CARD14: variants seen among roughly 807,000 people sequenced by gnomAD.
CARD14 encodes the protein caspase recruitment domain-containing protein 14.
Under a neutral mutation model 111.5 loss-of-function variants are expected in CARD14, and 107 were observed. That is an observed-to-expected ratio of 0.96 (90% CI 0.82 to 1.13). The LOEUF is 1.13. CARD14 is among the 50% of genes most tolerant of loss of function. CARD14 has a pLI of 0.00. For synonymous variants in CARD14, 617 were observed against 579.6 expected (o/e 1.06, Z -0.93); for missense variants, 1,322 against 1,362.3 (o/e 0.97, Z 0.47).
chr17:80,188,862 G>A lies in CARD14; in HGVS notation c.843+318G>A, dbSNP rs143418165. The A allele has an allele frequency of 0.015, 2,634 of 179,378 alleles. 27 individuals are homozygous for A. Among genetic ancestry groups the A allele is most frequent in the South Asian group, 0.045 (249 of 5,488 alleles). 11.1% of individuals were successfully genotyped at this position (179,378 alleles called of 1,614,324 possible). A position where few individuals can be genotyped will look rare whatever the true frequency, so the allele number is the denominator to read the frequency against. On this transcript the variant is annotated intron_variant, in intron 8 of 23. Transcript: ENST00000648509. The surrounding 1 kb of genome is among the most constrained non-coding windows in gnomAD (Gnocchi z 4.5). ...GCTCAGGAGTTCAAGACCAGCCTGG[G>A]CAACATGGCGAGACCCCATCTCTAC... is the stretch of plus-strand genomic sequence containing the variant.
At chr17:80,174,083 A>G (rs1426582123) in intron 2 of CARD14, among the ~76,000 whole-genome samples, 1 of 152,184 alleles carries the variant, frequency 6.6e-6, no homozygotes, top group African/African-American at 2.4e-5. Context: ...CAGACCTGTA[A>G]TCATTGCACT....
chr17:80,178,909 C>T (rs2040087675), intron 3 of CARD14, among the ~76,000 whole-genome samples, 195 bp from the exon 4 acceptor site: 1 of 152,114 alleles, frequency 6.6e-6, no homozygotes, highest in Non-Finnish European at 1.5e-5. Context: ...CCATGACTGG[C>T]TAATTTTTGT....
rs377316099 is a variant in CARD14 at position 80,182,679 on chromosome 17, C to T, written c.238C>T (p.Arg80Ter). 2.9e-5 allele frequency: 46 copies of T among 1,613,986 alleles called. No homozygotes were observed. The highest frequency in any genetic ancestry group is 3.5e-5 in the Non-Finnish European group (41 of 1,180,018). ...GCACTTGCTGGATTTGCTGAAGACT[C>T]GAGGGAAGAACGGGGCCATCGCCTT... ...AGHLLDLLKT[R>*]GKNGAIAFLE... is the part of the protein sequence containing the mutation. The change falls in exon 6 of 24, where the codon CGA becomes TGA. Residue 80 changes from arginine to a stop codon, truncating the protein, a stop_gained. Transcript: ENST00000648509. LOFTEE classifies it high-confidence loss of function. This position sits in a 1 kb window ranked among gnomAD's most constrained non-coding sequence, Gnocchi z 4.7.
intron 2 of CARD14, among the ~76,000 whole-genome samples, chr17:80,174,664 C>T (rs1286772855): frequency 6.6e-6 from 1 of 152,086 alleles, no homozygotes; most frequent in African/African-American, 2.4e-5. Flanking sequence ...GTAGTTTAGT[C>T]CTGGATGTGT....
chr17:80,200,711 A>C (rs1164350448), intron 16 of CARD14: 5 of 153,448 alleles, frequency 3.3e-5, no homozygotes, highest in African/African-American at 1.2e-4. Flanking sequence ...TTACACTGTA[A>C]TATGTAATGA....
In CARD14 at chr17:80,206,997, C is replaced by A; in HGVS notation, c.2719C>A (p.Leu907Met). Residue 907 changes from leucine (L) to methionine (M), a missense_variant, in exon 23 of 24, where the codon CTG becomes ATG. Leu to Met is a conservative substitution (Grantham distance 15). Coordinates refer to ENST00000648509, the MANE Select transcript of CARD14 (RefSeq NM_001366385.1). ...KNTHALLDVQLDSVCTLHRMD... is the reference protein window; with the variant it reads ...KNTHALLDVQMDSVCTLHRMD... ...CACCCATGCCCTCCTGGACGTCCAG[C>A]TGGACAGTGTCTGCACCCTGCACAG... The A allele has an allele frequency of 6.2e-7, 1 of 1,613,068 alleles. No individual in the cohort carries two copies. Among genetic ancestry groups the A allele is most frequent in the Non-Finnish European group, 8.5e-7 (1 of 1,179,506 alleles).
chr17:80,198,727 G>T lies in CARD14; in HGVS notation c.1851+136G>T. On this transcript the variant is annotated intron_variant, in intron 16 of 23. Coordinates refer to ENST00000648509, the MANE Select transcript of CARD14 (RefSeq NM_001366385.1). This position sits in a 1 kb window ranked among gnomAD's most constrained non-coding sequence, Gnocchi z 7.5. ...GGGCTGGGCCTCTGCTCTTTCCTGGGCTGACGTAAAGCGTTCTGCTCATTT... is the reference window on the plus strand; with the variant it reads ...GGGCTGGGCCTCTGCTCTTTCCTGGTCTGACGTAAAGCGTTCTGCTCATTT... The T allele has an allele frequency of 6.4e-7, 1 of 1,566,864 alleles. No homozygotes were observed.
In CARD14 at chr17:80,204,229, A is replaced by G; in HGVS notation, c.2286A>G (p.Pro762=). The G allele has an allele frequency of 6.3e-7, 1 of 1,586,078 alleles. No homozygotes were observed. The highest frequency in any genetic ancestry group is 8.6e-7 in the Non-Finnish European group (1 of 1,159,336). ...MTQQCTVTRK[P]SSGGPQKLVR... Reference sequence around the variant, plus strand: ...TCCTTTCTCTGTCCCTCCTTTAGCCATCTTCTGGGGGACCACAGAAGCTGG... The same window carrying G: ...TCCTTTCTCTGTCCCTCCTTTAGCCGTCTTCTGGGGGACCACAGAAGCTGG... The change falls in exon 20 of 24, where the codon CCA becomes CCG. Residue 762 remains proline (P), a splice_region_variant and synonymous_variant. Transcript: ENST00000648509.
intron 2 of CARD14, among the ~76,000 whole-genome samples, chr17:80,174,306 G>A (rs1164460457): frequency 1.3e-5 from 2 of 152,042 alleles, no homozygotes; most frequent in African/African-American, 4.8e-5. Flanking sequence ...TCTGCCTCCC[G>A]GGTTTAAGCG....
At chr17:80,204,718 C>A in intron 20 of CARD14, 1 of 407,740 alleles carries the variant, frequency 2.5e-6, no homozygotes, top group Non-Finnish European at 4.4e-6. Context: ...GGGTGCCACT[C>A]TCCCAGATCC....
At position 80,189,659 on chromosome 17, in the gene CARD14, A is replaced by G; in HGVS notation, c.844-94A>G. On this transcript the variant is annotated intron_variant, in intron 8 of 23. Coordinates refer to ENST00000648509, the MANE Select transcript of CARD14 (RefSeq NM_001366385.1). The surrounding 1 kb of genome is among the most constrained non-coding windows in gnomAD (Gnocchi z 4.7). ...AAGACTGCATCCGTCCACACACCTG[A>G]CCGTGCAGTTGCCGCCATCTTCTCG... 7.2e-7 allele frequency: 1 copy of G among 1,379,528 alleles called. No homozygotes were observed. 85.5% of individuals were successfully genotyped at this position (1,379,528 alleles called of 1,614,324 possible). A position where few individuals can be genotyped will look rare whatever the true frequency, so the allele number is the denominator to read the frequency against.
chr17:80,195,642 AGACACG>A lies in CARD14; in HGVS notation c.1586_1591del (p.Asp529_Thr530del). 1.9e-6 allele frequency: 3 copies of A among 1,612,950 alleles called. No homozygotes were observed. Among genetic ancestry groups the A allele is most frequent in the Non-Finnish European group, 2.5e-6 (3 of 1,179,618 alleles). ...ACCCACACCTGGATTATGAGCTCCT[AGACACG>A]GCAGGTGAGCACGCCCAACCCTGAA... is the stretch of plus-strand genomic sequence containing the variant. On this transcript the variant is annotated inframe_deletion, in exon 14 of 24. Coordinates refer to ENST00000648509, the MANE Select transcript of CARD14 (RefSeq NM_001366385.1). The surrounding 1 kb of genome is among the most constrained non-coding windows in gnomAD (Gnocchi z 4.7).
At position 80,208,114 on chromosome 17, in the gene CARD14, C is replaced by G. The variant is rs533183128; in HGVS notation, c.2808-24C>G. The G allele has an allele frequency of 3.1e-5, 46 of 1,490,714 alleles. No homozygotes were observed. The South Asian group carries it at 4.9e-4, about 16-fold the overall frequency. 92.3% of individuals were successfully genotyped at this position (1,490,714 alleles called of 1,614,324 possible). ...GGCCCTTGCTCTCCCCTGAGCCCGC[C>G]CCCCCCAACTCTGGCCTGTGCAGGA... On this transcript the variant is annotated intron_variant, in intron 23 of 23. Transcript: ENST00000648509.
chr17:80,190,993 A>G (rs1598655676), intron 10 of CARD14, 94 bp downstream of exon 10: 1 of 1,504,592 alleles, frequency 6.6e-7, no homozygotes, highest in Non-Finnish European at 8.9e-7. Flanking sequence ...CCTGCCCTTG[A>G]TGGCAGCTGG....
In CARD14 at chr17:80,198,208, G is replaced by A. The variant is rs2040788661; in HGVS notation, c.1658+46G>A. On this transcript the variant is annotated intron_variant, in intron 15 of 23. Coordinates refer to ENST00000648509, the MANE Select transcript of CARD14 (RefSeq NM_001366385.1). The surrounding 1 kb of genome is among the most constrained non-coding windows in gnomAD (Gnocchi z 7.5). The stretch of plus-strand genomic sequence containing the variant: ...CTCCGAGGCTGGCTGGGGAACCAGG[G>A]CCAGGGAGTGGCAGAGCAGAGGGTG... 1 of 1,606,430 alleles carries A rather than the reference G, an allele frequency of 6.2e-7. No individual in the cohort carries two copies. The highest frequency in any genetic ancestry group is 1.3e-5 in the African/African-American group (1 of 74,910).
At chr17:80,205,694 A>G (rs188518928) in intron 22 of CARD14, 42 bp downstream of exon 22, 1 of 1,501,540 alleles carries the variant, frequency 6.7e-7, no homozygotes, top group African/African-American at 1.4e-5. Context: ...TGTCCTGGGA[A>G]GGGTTTCAGG....
intron 7 of CARD14, among the ~76,000 whole-genome samples, chr17:80,184,467 G>A (rs763329070): frequency 4.6e-5 from 7 of 152,196 alleles, no homozygotes; most frequent in Non-Finnish European, 1.0e-4. Context: ...GCCTTGTCCA[G>A]TAGCTGCCCG....
In CARD14 at chr17:80,208,258, C is replaced by A. The variant is rs755632854; in HGVS notation, c.2928C>A (p.Ser976Arg). 8.2e-6 allele frequency: 13 copies of A among 1,587,986 alleles called. No individual in the cohort carries two copies. The highest frequency in any genetic ancestry group is 1.0e-5 in the Non-Finnish European group (12 of 1,168,816). Residue 976 changes from serine (S) to arginine (R), a missense_variant, in exon 24 of 24, where the codon AGC becomes AGA. Transcript: ENST00000648509. ...GCAGCCTGGCTCCTGACGGCTGGAG[C>A]GACCTGGACGGCCTGCTCAGCTGTG... is the stretch of plus-strand genomic sequence containing the variant. Reference protein sequence around the residue: ...LYSSLAPDGWSDLDGLLSCVR... With the variant: ...LYSSLAPDGWRDLDGLLSCVR...
chr17:80,206,721 C>T (rs1402154274), intron 22 of CARD14: 3 of 215,770 alleles, frequency 1.4e-5, no homozygotes, highest in East Asian at 9.9e-5. Context: ...GAGCCGAGAT[C>T]GCGCCACTGC....
Sources: allele counts gnomAD v4.1 joint callset (sites outside exome capture counted in the v4.1 genomes callset), GRCh38; gene constraint gnomAD v4.1.1; non-coding constraint Gnocchi (gnomAD v3.1); transcripts MANE v1.5; gene names NCBI Gene and HGNC (gene_info 2026-07-23, HGNC 2026-07-21).